EVI2B: variants seen among roughly 807,000 people sequenced by gnomAD.
The protein encoded by EVI2B is ecotropic viral integration site 2B, also known as protein EVI2B.
EVI2B carries 4 observed loss-of-function variants against 6.6 expected under a neutral mutation model. The observed-to-expected ratio is 0.61, with a 90% CI of 0.30 to 1.39. EVI2B has a LOEUF of 1.39. EVI2B is among the 40% of genes most tolerant of loss of function. EVI2B has a pLI of 0.08. For missense variants in EVI2B, 484 were observed against 516.6 expected, an observed-to-expected ratio of 0.94 and a Z score of 0.61; for synonymous variants, 181 against 186.8, an observed-to-expected ratio of 0.97 and a Z score of 0.25.
At position 31,304,761 on chromosome 17, in the gene EVI2B, TA is replaced by T; in HGVS notation, c.848del (p.Leu283Ter). 1 of 1,614,186 alleles carries T rather than the reference TA, an allele frequency of 6.2e-7. No individual in the cohort carries two copies. Among genetic ancestry groups the T allele is most frequent in the Non-Finnish European group, 8.5e-7 (1 of 1,180,026 alleles). On this transcript the variant is annotated frameshift_variant, in exon 2 of 2. Coordinates refer to ENST00000330927, the MANE Select transcript of EVI2B (RefSeq NM_006495.4). LOFTEE classifies it high-confidence loss of function. ...TPWKPSKSTL[L>X]ADDLEIKLFE... ...ACAACTTAATTTCTAAGTCATCTGC[TA>T]AAAGTGTGCTTTTGCTTGGTTTCCA...
At chr17:31,311,280 A>G (rs1347794689) in intron 1 of EVI2B, among the ~76,000 whole-genome samples, 1 of 152,056 alleles carries the variant, frequency 6.6e-6, no homozygotes, top group Non-Finnish European at 1.5e-5. Context: ...AATATAATGC[A>G]TAAGTACTTA....
chr17:31,306,564 T>A (rs934439588), intron 1 of EVI2B, among the ~76,000 whole-genome samples: 4 of 152,198 alleles, frequency 2.6e-5, no homozygotes, highest in Non-Finnish European at 5.9e-5. Context: ...CAGAGTCTAT[T>A]AGTAATCTTT....
At chr17:31,312,399 T>A (rs2068900180) in intron 1 of EVI2B, among the ~76,000 whole-genome samples, 1 of 151,670 alleles carries the variant, frequency 6.6e-6, no homozygotes, top group Admixed American at 6.6e-5. Flanking sequence ...TAATCCCAGC[T>A]ACTCAGGAGG....
chr17:31,312,950 TTATAC>T (rs1372030479), intron 1 of EVI2B, among the ~76,000 whole-genome samples: 19 of 152,184 alleles, frequency 1.2e-4, no homozygotes, highest in South Asian at 2.1e-4. Flanking sequence ...TTCTTCTATC[TTATAC>T]TATGTTCTAA....
intron 1 of EVI2B, among the ~76,000 whole-genome samples, chr17:31,309,425 T>C (rs148864219): frequency 6.6e-6 from 1 of 152,324 alleles, no homozygotes; most frequent in African/African-American, 2.4e-5. Context: ...TTGAACACTT[T>C]TGGCATAGAT....
Position 31,304,950 on chromosome 17 carries a change from G to C in EVI2B, c.660C>G (p.Ile220Met). 1 of 1,614,100 alleles carries C rather than the reference G, an allele frequency of 6.2e-7. No homozygotes were observed. The highest frequency in any genetic ancestry group is 8.5e-7 in the Non-Finnish European group (1 of 1,180,024). The stretch of plus-strand genomic sequence containing the variant: ...TTAAGCATTTCCAAAGTACAATGAT[G>C]ATTATAGCTACCAACATAGAAGTCA... Reference protein sequence around the residue: ...VLLTSMLVAIIIIVLWKCLRK... With the variant: ...VLLTSMLVAIMIIVLWKCLRK... Residue 220 changes from isoleucine to methionine, a missense_variant, in exon 2 of 2, where the codon ATC (isoleucine) becomes ATG (methionine). Ile to Met is a conservative substitution (Grantham distance 10, BLOSUM62 1). Coordinates refer to ENST00000330927, the MANE Select transcript of EVI2B (RefSeq NM_006495.4).
At chr17:31,312,184 A>G (rs1040225666) in intron 1 of EVI2B, among the ~76,000 whole-genome samples, 15 of 152,082 alleles carry the variant, frequency 9.9e-5, no homozygotes, top group African/African-American at 3.4e-4. Flanking sequence ...AGGCACTACT[A>G]GTAAACTTTA....
Position 31,305,202 on chromosome 17 carries a change from T to C in EVI2B, c.408A>G (p.Thr136=). The stretch of plus-strand genomic sequence containing the variant: ...TATAGACAAATGACTTTGGTGGTTG[T>C]GTGGTAGAAGTACGGGCAGATGGTA... ...RQLPSARTST[T]QPPKSFVYTF... Residue 136 remains threonine, a synonymous_variant, in exon 2 of 2, where the codon ACA becomes ACG. Transcript: ENST00000330927. The C allele has an allele frequency of 6.2e-7, 1 of 1,614,142 alleles. No homozygotes were observed. Among genetic ancestry groups the C allele is most frequent in the African/African-American group, 1.3e-5 (1 of 75,030 alleles).
chr17:31,310,954 T>C (rs2068857489), intron 1 of EVI2B, among the ~76,000 whole-genome samples: 1 of 151,632 alleles, frequency 6.6e-6, no homozygotes, highest in African/African-American at 2.4e-5. Context: ...TTTTTTTTTT[T>C]TTTCCGTTTG....
rs67526348 is a variant in EVI2B at position 31,308,635 on chromosome 17, CTTT to C, written c.-21-3008_-21-3006del. 3.0e-3 allele frequency among the ~76,000 whole-genome samples: 456 copies of C among 150,674 alleles called. 1 individual carries two copies. The highest frequency in any genetic ancestry group is 4.7e-3 in the Non-Finnish European group (319 of 67,664). On this transcript the variant is annotated intron_variant, in intron 1 of 1. Coordinates refer to ENST00000330927, the MANE Select transcript of EVI2B (RefSeq NM_006495.4). ...GTTTTTTACCCTTCTCAAGGGTGTT[CTTT>C]TTTTTTTATTTTTCTTCCAGACCTA...
At chr17:31,309,057 G>T (rs147556135) in intron 1 of EVI2B, among the ~76,000 whole-genome samples, 1 of 152,032 alleles carries the variant, frequency 6.6e-6, no homozygotes, top group Admixed American at 6.6e-5. Flanking sequence ...GAAGGTAAAG[G>T]GATCCCTTAT....
Position 31,304,983 on chromosome 17 carries a change from A to G in EVI2B, c.627T>C (p.Gly209=). The G allele has an allele frequency of 1.2e-6, 2 of 1,614,216 alleles. No individual in the cohort carries two copies. Among genetic ancestry groups the G allele is most frequent in the Non-Finnish European group, 1.7e-6 (2 of 1,180,038 alleles). Reference sequence around the variant, plus strand: ...CTACCAACATAGAAGTCAGAAGTACACCAATTAGTATGGCAGCTATTGAAT... The same window carrying G: ...CTACCAACATAGAAGTCAGAAGTACGCCAATTAGTATGGCAGCTATTGAAT... ...NYNSIAAILI[G]VLLTSMLVAI... is the part of the protein sequence containing the mutation. The change falls in exon 2 of 2, where the codon GGT becomes GGC. Residue 209 remains glycine (G), a synonymous_variant. Coordinates refer to ENST00000330927, the MANE Select transcript of EVI2B (RefSeq NM_006495.4).
At position 31,304,847 on chromosome 17, in the gene EVI2B, C is replaced by T. The variant is rs2068665745; in HGVS notation, c.763G>A (p.Asp255Asn). The T allele has an allele frequency of 6.2e-7, 1 of 1,614,008 alleles. No homozygotes were observed. Among genetic ancestry groups the T allele is most frequent in the Admixed American group, 1.7e-5 (1 of 60,010 alleles). The stretch of plus-strand genomic sequence containing the variant: ...GATATTTCATTTTCTCTGATGTTAT[C>T]CATACAAATGTCAGGGGTTTCTCCA... ...ADGETPDICM[D>N]NIRENEISTK... Residue 255 changes from aspartate (D) to asparagine (N), a missense_variant, in exon 2 of 2, where the codon GAT becomes AAT. Physicochemically the swap from Asp to Asn is conservative, Grantham distance 23. Transcript: ENST00000330927.
chr17:31,306,978 C>T lies in EVI2B; in HGVS notation c.-21-1348G>A, dbSNP rs1278180593. ...CAGCATGGACCACATAGTAAGATCC[C>T]ATCTCTAAATAAAAAGAAGAAAGAA... On this transcript the variant is annotated intron_variant, in intron 1 of 1. Transcript: ENST00000330927. Among the ~76,000 whole-genome samples the T allele has an allele frequency of 4.0e-5, 6 of 150,780 alleles. No homozygotes were observed. In the East Asian group the frequency reaches 1.2e-3, roughly 29 times the overall value.
intron 1 of EVI2B, among the ~76,000 whole-genome samples, chr17:31,306,650 C>G (rs540531195): frequency 3.4e-4 from 52 of 152,238 alleles, no homozygotes; most frequent in African/African-American, 1.3e-3. Flanking sequence ...TCATTCAACT[C>G]AGAGTCTTAG....
chr17:31,311,783 G>T (rs1197701315), intron 1 of EVI2B, among the ~76,000 whole-genome samples: 2 of 152,148 alleles, frequency 1.3e-5, no homozygotes, highest in Non-Finnish European at 2.9e-5. Context: ...TGCTAATCTT[G>T]TGCCAGAACC....
At chr17:31,310,708 G>A (rs1281293885) in intron 1 of EVI2B, among the ~76,000 whole-genome samples, 2 of 151,800 alleles carry the variant, frequency 1.3e-5, no homozygotes, top group Non-Finnish European at 2.9e-5. Context: ...ACCCGTGTAC[G>A]TTTTATATAG....
chr17:31,307,994 T>C, intron 1 of EVI2B: 2 of 1,108,690 alleles, frequency 1.8e-6, no homozygotes, highest in Non-Finnish European at 1.2e-6. Context: ...GTGATTTTTT[T>C]CCCTATACGA....
At chr17:31,311,557 G>T (rs2068877103) in intron 1 of EVI2B, among the ~76,000 whole-genome samples, 1 of 152,190 alleles carries the variant, frequency 6.6e-6, no homozygotes, top group South Asian at 2.1e-4. Flanking sequence ...AGTGGAAAGA[G>T]AAATTGACCT....
Sources: gnomAD v4.1 joint callset for allele counts (sites outside exome capture counted in the v4.1 genomes callset) on GRCh38, gnomAD v4.1.1 for gene constraint, MANE v1.5 for transcripts, NCBI Gene and HGNC (gene_info 2026-07-23, HGNC 2026-07-21) for gene names.